The following GRIN2D variants were observed in gnomAD, a reference collection of about 807,000 sequenced individuals.
GRIN2D encodes glutamate ionotropic receptor NMDA type subunit 2D.
In GRIN2D, 37 loss-of-function variants were observed where a neutral mutation model predicts 103.2. That is an observed-to-expected ratio of 0.36 (90% CI 0.28 to 0.47). GRIN2D has a LOEUF of 0.47. GRIN2D is among the 20% of genes least tolerant of loss of function. The pLI, the probability that GRIN2D is intolerant of heterozygous loss-of-function variation, is 1.00. For missense variants in GRIN2D, 1,557 were observed against 1,910.6 expected, an observed-to-expected ratio of 0.81 and a Z score of 3.45; for synonymous variants, 845 against 885.6, an observed-to-expected ratio of 0.95 and a Z score of 0.81.
intron 3 of GRIN2D, among the ~76,000 whole-genome samples, chr19:48,404,112 C>T (rs1366891763): frequency 4.6e-5 from 7 of 152,106 alleles, no homozygotes; most frequent in South Asian, 2.1e-4. Context: ...TGGTGGCGCA[C>T]GCCTATAGTC....
chr19:48,426,565 T>A (rs1471455198), intron 11 of GRIN2D, among the ~76,000 whole-genome samples: 13 of 151,574 alleles, frequency 8.6e-5, no homozygotes, highest in Non-Finnish European at 1.0e-4. Context: ...TGCCTCTTTT[T>A]TTTTTATTTT....
At position 48,442,193 on chromosome 19, in the gene GRIN2D, C is replaced by T. The variant is rs142606528; in HGVS notation, c.2484C>T (p.Cys828=). The T allele has an allele frequency of 2.5e-5, 41 of 1,614,158 alleles. 1 individual carries two copies. In the African/African-American group the frequency reaches 3.2e-4, roughly 13 times the overall value. ...AGCGGCTGTGGCTCTCTGGGATCTG[C>T]CACAATGACAAAATCGAGGTGATGA... The part of the protein sequence containing the change: ...MLERLWLSGI[C]HNDKIEVMSS... The change falls in exon 13 of 14, where the codon TGC becomes TGT. Residue 828 remains cysteine (C), a synonymous_variant. Coordinates refer to ENST00000263269, the MANE Select transcript of GRIN2D (RefSeq NM_000836.4). This position sits in a 1 kb window ranked among gnomAD's most constrained non-coding sequence, Gnocchi z 7.2.
At chr19:48,401,491 G>A (rs1386599144) in intron 3 of GRIN2D, among the ~76,000 whole-genome samples, 2 of 152,166 alleles carry the variant, frequency 1.3e-5, no homozygotes, top group African/African-American at 4.8e-5. Flanking sequence ...GGAGGAGGTA[G>A]GGAAAAGTGT....
chr19:48,407,408 C>T (rs945913064), intron 4 of GRIN2D, among the ~76,000 whole-genome samples: 1 of 152,158 alleles, frequency 6.6e-6, no homozygotes, highest in African/African-American at 2.4e-5. Context: ...AATTTCTTCT[C>T]CCTCATAACT....
intron 2 of GRIN2D, among the ~76,000 whole-genome samples, chr19:48,396,998 C>T (rs1970651339): frequency 6.6e-6 from 1 of 152,136 alleles, no homozygotes; most frequent in Admixed American, 6.5e-5. Context: ...AGCCCAACCA[C>T]CCCAGGCGGC....
Position 48,443,944 on chromosome 19 carries a change from C to G in GRIN2D, c.*7C>G. On this transcript the variant is annotated 3_prime_UTR_variant, in exon 14 of 14. Transcript: ENST00000263269. The surrounding 1 kb of genome is among the most constrained non-coding windows in gnomAD (Gnocchi z 8.9). ...CCTCGAGTCCGAGGTATGACGCGGC[C>G]CCGGGGGCCCCACCGCCCCCTTGGT... The G allele has an allele frequency of 7.2e-7, 1 of 1,392,130 alleles. No individual in the cohort carries two copies. Among genetic ancestry groups the G allele is most frequent in the Non-Finnish European group, 9.3e-7 (1 of 1,072,744 alleles). The allele number at this position is 1,392,130 out of a possible 1,614,324, so 86.2% of individuals were successfully genotyped here. A position where few individuals can be genotyped will look rare whatever the true frequency, so the allele number is the denominator to read the frequency against.
rs1002239947 is a variant in GRIN2D, at chr19:48,405,835, C to A, written c.1085+482C>A. Among the ~76,000 whole-genome samples, 1 of 152,172 alleles carries A rather than the reference C, an allele frequency of 6.6e-6. No individual in the cohort carries two copies. The highest frequency in any genetic ancestry group is 2.1e-4 in the South Asian group (1 of 4,826). On this transcript the variant is annotated intron_variant, in intron 4 of 13. Transcript: ENST00000263269. The surrounding 1 kb of genome is among the most constrained non-coding windows in gnomAD (Gnocchi z 5.1). ...CAACCCTGATAAGGAGACTGCTGTT[C>A]CATGTGATCATTCAGGGACCCAGGA...
At chr19:48,434,816 A>G (rs1971209645) in intron 11 of GRIN2D, among the ~76,000 whole-genome samples, 1 of 151,752 alleles carries the variant, frequency 6.6e-6, no homozygotes, top group Non-Finnish European at 1.5e-5. Context: ...CCTGACCCCA[A>G]GGAATCTGCT....
rs1008985552 is a variant in GRIN2D at position 48,444,794 on chromosome 19, C to T, written c.*857C>T. The T allele has an allele frequency of 2.0e-5, 3 of 152,360 alleles. No individual in the cohort carries two copies. The highest frequency in any genetic ancestry group is 4.4e-5 in the Non-Finnish European group (3 of 68,140). The allele number at this position is 152,360 out of a possible 1,614,324, so 9.4% of individuals were successfully genotyped here. On this transcript the variant is annotated 3_prime_UTR_variant, in exon 14 of 14. Coordinates refer to ENST00000263269, the MANE Select transcript of GRIN2D (RefSeq NM_000836.4). This position sits in a 1 kb window ranked among gnomAD's most constrained non-coding sequence, Gnocchi z 5.5. Reference sequence around the variant, plus strand: ...GCAGACCTCCAAAAAGCCTCCTCTGCCCAGATCTCCAGCCGGGTCTGGGGC... The same window carrying T: ...GCAGACCTCCAAAAAGCCTCCTCTGTCCAGATCTCCAGCCGGGTCTGGGGC...
chr19:48,434,097 C>T (rs771014178), intron 11 of GRIN2D, among the ~76,000 whole-genome samples: 2 of 151,764 alleles, frequency 1.3e-5, no homozygotes, highest in African/African-American at 4.8e-5. Context: ...TACAGGCGCC[C>T]GCCACCTCAT....
chr19:48,441,716 G>A (rs1040538433), intron 11 of GRIN2D, 53 bp from the exon 12 acceptor site: 44 of 1,479,980 alleles, frequency 3.0e-5, no homozygotes, highest in Admixed American at 6.0e-5. Flanking sequence ...CAGGCCTGGC[G>A]GCCAGGGCAT....
At chr19:48,398,295 TCGTCTCCCTGTCCCTG>T (rs1303492588) in intron 2 of GRIN2D, 56 bp from the exon 3 acceptor site, 1 of 541,078 alleles carries the variant, frequency 1.8e-6, no homozygotes, top group Non-Finnish European at 2.4e-6. Context: ...TCTCTTTATC[TCGTCTCCCTGTCCCTG>T]CGTCTCCCGT....
intron 11 of GRIN2D, among the ~76,000 whole-genome samples, chr19:48,430,355 C>T (rs557824870): frequency 2.0e-5 from 3 of 152,114 alleles, no homozygotes; most frequent in Admixed American, 6.6e-5. Context: ...TGCGCCACTG[C>T]GCCTGGCTAA....
intron 11 of GRIN2D, among the ~76,000 whole-genome samples, chr19:48,439,178 C>T (rs1971264119): frequency 6.7e-6 from 1 of 150,062 alleles, no homozygotes; most frequent in Admixed American, 6.6e-5. Flanking sequence ...TGCTTCAGCC[C>T]AGGAGTTTGA....
At chr19:48,397,246 T>C (rs1436566442) in intron 2 of GRIN2D, among the ~76,000 whole-genome samples, 1 of 152,134 alleles carries the variant, frequency 6.6e-6, no homozygotes, top group East Asian at 1.9e-4. Context: ...AGTAAGGTCA[T>C]GTGGGGATTT....
rs762641611 is a variant in GRIN2D, at chr19:48,442,134, G to A, written c.2441-16G>A. 1.9e-6 allele frequency: 3 copies of A among 1,611,872 alleles called. No individual in the cohort carries two copies. The highest frequency in any genetic ancestry group is 1.1e-5 in the South Asian group (1 of 91,046). On this transcript the variant is annotated splice_polypyrimidine_tract_variant and intron_variant, in intron 12 of 13. Transcript: ENST00000263269. This position sits in a 1 kb window ranked among gnomAD's most constrained non-coding sequence, Gnocchi z 7.2. ...AGGGTACTCATAGCAGGTGACTTTT[G>A]ACCGCCCCTCCCTAGATGAGATCGA...
intron 4 of GRIN2D, among the ~76,000 whole-genome samples, chr19:48,412,421 A>AAAAGGAAG (rs1970875871): frequency 1.6e-5 from 2 of 123,330 alleles, no homozygotes; most frequent in Non-Finnish European, 3.4e-5. Context: ...AAAGAGAAAG[A>AAAAGGAAG]AAAGAAAGAA....
In GRIN2D at chr19:48,414,141, G is replaced by T; in HGVS notation, c.1200+36G>T. 7.9e-7 allele frequency: 1 copy of T among 1,264,282 alleles called. No individual in the cohort carries two copies. The highest frequency in any genetic ancestry group is 1.2e-6 in the Non-Finnish European group (1 of 863,282). The allele number at this position is 1,264,282 out of a possible 1,614,324, so 78.3% of individuals were successfully genotyped here. On this transcript the variant is annotated intron_variant, in intron 5 of 13. Coordinates refer to ENST00000263269, the MANE Select transcript of GRIN2D (RefSeq NM_000836.4). The surrounding 1 kb of genome is among the most constrained non-coding windows in gnomAD (Gnocchi z 4.6). ...GCCCCAGACCTCAGGCATGGCAGAG[G>T]GTGTGGACTCCTGCATCCTGGCAGA...
Position 48,405,324 on chromosome 19 carries a change from C to T in GRIN2D, c.1056C>T (p.Asn352=). The change falls in exon 4 of 14, where the codon AAC becomes AAT. Residue 352 remains asparagine (N), a synonymous_variant. Coordinates refer to ENST00000263269, the MANE Select transcript of GRIN2D (RefSeq NM_000836.4). The surrounding 1 kb of genome is among the most constrained non-coding windows in gnomAD (Gnocchi z 5.1). The part of the protein sequence containing the change: ...PELGHDCRAQ[N]RTHRGESLHR... ...TCGGCCACGACTGTCGCGCCCAGAA[C>T]CGCACCCACCGCGGCGAGAGTCTGC... 6.3e-7 allele frequency: 1 copy of T among 1,594,300 alleles called. No homozygotes were observed. Among genetic ancestry groups the T allele is most frequent in the Admixed American group, 1.7e-5 (1 of 59,258 alleles).
Sources: gnomAD v4.1 joint callset for allele counts (sites outside exome capture counted in the v4.1 genomes callset) on GRCh38, gnomAD v4.1.1 for gene constraint, Gnocchi (gnomAD v3.1) non-coding constraint, MANE v1.5 for transcripts, NCBI Gene and HGNC (gene_info 2026-07-23, HGNC 2026-07-21) for gene names.